ALDH1B1: variants seen among roughly 807,000 people sequenced by gnomAD.
ALDH1B1 encodes aldehyde dehydrogenase 1 family member B1.
In ALDH1B1, 19 loss-of-function variants were observed where a neutral mutation model predicts 26.2. That is an observed-to-expected ratio of 0.72 (90% CI 0.51 to 1.06). ALDH1B1 has a LOEUF of 1.06. Among genes scored for constraint, ALDH1B1 ranks in the 50% least tolerant of loss-of-function variants. ALDH1B1 has a pLI of 0.00. For synonymous variants in ALDH1B1, 249 were observed against 286.0 expected (o/e 0.87, Z 1.31); for missense variants, 671 against 683.1 (o/e 0.98, Z 0.20).
intron 1 of ALDH1B1, among the ~76,000 whole-genome samples, chr9:38,393,127 C>T (rs1442670816): frequency 6.6e-6 from 1 of 152,236 alleles, no homozygotes; most frequent in East Asian, 1.9e-4. Flanking sequence ...CCCTTTCCCC[C>T]GCAGAAGGGG....
At position 38,396,107 on chromosome 9, in the gene ALDH1B1, C is replaced by T. The variant is rs1375486459; in HGVS notation, c.359C>T (p.Ala120Val). Residue 120 changes from alanine (A) to valine (V), a missense_variant, in exon 2 of 2, where the codon GCC becomes GTC. Coordinates refer to ENST00000377698, the MANE Select transcript of ALDH1B1 (RefSeq NM_000692.5). ...GTGGAGCGGGATCGAGTCTACTTGGCCTCACTCGAGACCTTGGACAATGGG... is the reference window on the plus strand; with the variant it reads ...GTGGAGCGGGATCGAGTCTACTTGGTCTCACTCGAGACCTTGGACAATGGG... Reference protein sequence around the residue: ...DLVERDRVYLASLETLDNGKP... With the variant: ...DLVERDRVYLVSLETLDNGKP... 3 of 1,614,220 alleles carry T rather than the reference C, an allele frequency of 1.9e-6. No individual in the cohort carries two copies. The African/African-American group carries it at 4.0e-5, about 22-fold the overall frequency.
intron 1 of ALDH1B1, among the ~76,000 whole-genome samples, chr9:38,393,538 C>T (rs998493699): frequency 6.6e-6 from 1 of 152,216 alleles, no homozygotes; most frequent in African/African-American, 2.4e-5. Flanking sequence ...GGTTTGCCAG[C>T]CTTGGCCTAT....
rs56815730 is a variant in ALDH1B1, at chr9:38,392,741, A to G, written c.-76A>G. ...CGGCCAGCCCTGGGCGGCCATGTGGACAGAGCTGGGAGGGCCGGAACCAGA... is the reference window on the plus strand; with the variant it reads ...CGGCCAGCCCTGGGCGGCCATGTGGGCAGAGCTGGGAGGGCCGGAACCAGA... On this transcript the variant is annotated 5_prime_UTR_variant, in exon 1 of 2. Transcript: ENST00000377698. 1.5e-4 allele frequency: 144 copies of G among 985,578 alleles called. No individual in the cohort carries two copies. In the East Asian group the frequency reaches 8.5e-3, roughly 58 times the overall value. The allele number at this position is 985,578 out of a possible 1,614,324, so 61.1% of individuals were successfully genotyped here. A position where few individuals can be genotyped will look rare whatever the true frequency, so the allele number is the denominator to read the frequency against.
chr9:38,396,548 G>T lies in ALDH1B1; in HGVS notation c.800G>T (p.Gly267Val). 1 of 1,613,866 alleles carries T rather than the reference G, an allele frequency of 6.2e-7. No homozygotes were observed. The highest frequency in any genetic ancestry group is 8.5e-7 in the Non-Finnish European group (1 of 1,179,982). The change falls in exon 2 of 2, where the codon GGC (glycine) becomes GTC (valine). Residue 267 changes from glycine (G) to valine (V), a missense_variant. Gly to Val is a moderately radical substitution (Grantham distance 109). Transcript: ENST00000377698. ...GCCTTCACCGGTTCCACCGAGGTGG[G>T]CCACCTGATCCAGAAAGCAGCTGGC... ...KVAFTGSTEV[G>V]HLIQKAAGDS...
rs910722695 is a variant in ALDH1B1, at chr9:38,397,677, C to T, written c.*375C>T. ...TTTAGTGGATCGACTCAACTCAGAA[C>T]ACAAGCTTGGAAAGTGTTAGGGGTT... On this transcript the variant is annotated 3_prime_UTR_variant, in exon 2 of 2. Transcript: ENST00000377698. The T allele has an allele frequency of 5.0e-6, 1 of 199,526 alleles. No individual in the cohort carries two copies. Among genetic ancestry groups the T allele is most frequent in the South Asian group, 1.5e-4 (1 of 6,638 alleles). 12.4% of individuals were successfully genotyped at this position (199,526 alleles called of 1,614,324 possible). A position where few individuals can be genotyped will look rare whatever the true frequency, so the allele number is the denominator to read the frequency against.
At position 38,392,752 on chromosome 9, in the gene ALDH1B1, A is replaced by G; in HGVS notation, c.-65A>G. The G allele has an allele frequency of 1.0e-6, 1 of 985,574 alleles. No homozygotes were observed. The highest frequency in any genetic ancestry group is 1.7e-5 in the African/African-American group (1 of 57,366). 61.1% of individuals were successfully genotyped at this position (985,574 alleles called of 1,614,324 possible). On this transcript the variant is annotated 5_prime_UTR_variant, in exon 1 of 2. Coordinates refer to ENST00000377698, the MANE Select transcript of ALDH1B1 (RefSeq NM_000692.5). ...GGGCGGCCATGTGGACAGAGCTGGGAGGGCCGGAACCAGAACCCAAGCGTG... is the reference window on the plus strand; with the variant it reads ...GGGCGGCCATGTGGACAGAGCTGGGGGGGCCGGAACCAGAACCCAAGCGTG...
chr9:38,393,042 T>C (rs554403731), intron 1 of ALDH1B1, among the ~76,000 whole-genome samples: 12 of 152,060 alleles, frequency 7.9e-5, no homozygotes, highest in African/African-American at 2.4e-4. Flanking sequence ...ACCTCAACAC[T>C]CCTGCCCACT....
At position 38,396,082 on chromosome 9, in the gene ALDH1B1, G is replaced by A; in HGVS notation, c.334G>A (p.Val112Met). ...GRLLNRLADL[V>M]ERDRVYLASL... ...GCTGCTGAACCGCCTGGCAGACCTAGTGGAGCGGGATCGAGTCTACTTGGC... is the reference window on the plus strand; with the variant it reads ...GCTGCTGAACCGCCTGGCAGACCTAATGGAGCGGGATCGAGTCTACTTGGC... Residue 112 changes from valine (V) to methionine (M), a missense_variant, in exon 2 of 2, where the codon GTG becomes ATG. Val to Met is a conservative substitution (Grantham distance 21, BLOSUM62 1). Coordinates refer to ENST00000377698, the MANE Select transcript of ALDH1B1 (RefSeq NM_000692.5). The A allele has an allele frequency of 7.4e-6, 12 of 1,614,182 alleles. No homozygotes were observed. The highest frequency in any genetic ancestry group is 1.0e-5 in the Non-Finnish European group (12 of 1,180,016).
In ALDH1B1 at chr9:38,397,677, C is replaced by G. The variant is rs910722695; in HGVS notation, c.*375C>G. ...TTTAGTGGATCGACTCAACTCAGAA[C>G]ACAAGCTTGGAAAGTGTTAGGGGTT... On this transcript the variant is annotated 3_prime_UTR_variant, in exon 2 of 2. Transcript: ENST00000377698. 6.0e-5 allele frequency: 12 copies of G among 199,526 alleles called. No individual in the cohort carries two copies. The highest frequency in any genetic ancestry group is 1.1e-4 in the Non-Finnish European group (10 of 88,840). 12.4% of individuals were successfully genotyped at this position (199,526 alleles called of 1,614,324 possible). A position where few individuals can be genotyped will look rare whatever the true frequency, so the allele number is the denominator to read the frequency against.
In ALDH1B1 at chr9:38,396,031, C is replaced by T. The variant is rs144035060; in HGVS notation, c.283C>T (p.Arg95Trp). 7.4e-6 allele frequency: 12 copies of T among 1,613,870 alleles called. No individual in the cohort carries two copies. The highest frequency in any genetic ancestry group is 6.7e-5 in the East Asian group (3 of 44,864). Residue 95 changes from arginine to tryptophan, a missense_variant, in exon 2 of 2, where the codon CGG becomes TGG. Arg to Trp is a moderately radical substitution (Grantham distance 101). Coordinates refer to ENST00000377698, the MANE Select transcript of ALDH1B1 (RefSeq NM_000692.5). ...EAFRLGSPWR[R>W]MDASERGRLL... is the part of the protein sequence containing the mutation. Reference sequence around the variant, plus strand: ...CTTCCGCCTGGGGTCCCCATGGCGCCGGATGGATGCCTCTGAGCGGGGCCG... The same window carrying T: ...CTTCCGCCTGGGGTCCCCATGGCGCTGGATGGATGCCTCTGAGCGGGGCCG...
rs1360366405 is a variant in ALDH1B1 at position 38,395,867 on chromosome 9, T to C, written c.119T>C (p.Phe40Ser). Residue 40 changes from phenylalanine (F) to serine (S), a missense_variant, in exon 2 of 2, where the codon TTC becomes TCC. By Grantham distance (155) the Phe-to-Ser change is radical. Transcript: ENST00000377698. The part of the protein sequence containing the change: ...LNPDIPYNQL[F>S]INNEWQDAVS... ...CCAGACATCCCCTACAACCAGCTGTTCATCAACAATGAATGGCAAGATGCA... is the reference window on the plus strand; with the variant it reads ...CCAGACATCCCCTACAACCAGCTGTCCATCAACAATGAATGGCAAGATGCA... 1.9e-6 allele frequency: 3 copies of C among 1,613,702 alleles called. No homozygotes were observed. The highest frequency in any genetic ancestry group is 2.5e-6 in the Non-Finnish European group (3 of 1,180,042).
rs748522437 is a variant in ALDH1B1, at chr9:38,396,187, C to T, written c.439C>T (p.Arg147Trp). Residue 147 changes from arginine to tryptophan, a missense_variant, in exon 2 of 2, where the codon CGG (arginine) becomes TGG (tryptophan). Coordinates refer to ENST00000377698, the MANE Select transcript of ALDH1B1 (RefSeq NM_000692.5). ...CTTGGATGAGGTCATCAAGGTGTAT[C>T]GGTACTTTGCTGGCTGGGCTGACAA... is the stretch of plus-strand genomic sequence containing the variant. The part of the protein sequence containing the change: ...LDLDEVIKVY[R>W]YFAGWADKWH... 24 of 1,614,086 alleles carry T rather than the reference C, an allele frequency of 1.5e-5. 1 individual carries two copies. The highest frequency in any genetic ancestry group is 3.3e-4 in the Middle Eastern group (2 of 6,084).
chr9:38,397,092 G>A lies in ALDH1B1; in HGVS notation c.1344G>A (p.Val448=). ...CCAGGTATGGCCTGGCTGCGGCTGT[G>A]TTCACCCGGGATCTGGACAAGGCCA... ...NNTRYGLAAA[V]FTRDLDKAMY... is the part of the protein sequence containing the mutation. Residue 448 remains valine, a synonymous_variant, in exon 2 of 2, where the codon GTG becomes GTA. Coordinates refer to ENST00000377698, the MANE Select transcript of ALDH1B1 (RefSeq NM_000692.5). 6.2e-7 allele frequency: 1 copy of A among 1,614,186 alleles called. No homozygotes were observed.
chr9:38,393,018 A>G (rs1286104196), intron 1 of ALDH1B1, among the ~76,000 whole-genome samples: 1 of 152,042 alleles, frequency 6.6e-6, no homozygotes, highest in African/African-American at 2.4e-5. Flanking sequence ...CCCAGACCTT[A>G]CCACGTTAGC....
rs1299004472 is a variant in ALDH1B1 at position 38,398,661 on chromosome 9, A to G, written c.*1359A>G. 6.0e-6 allele frequency: 1 copy of G among 166,312 alleles called. No individual in the cohort carries two copies. Among genetic ancestry groups the G allele is most frequent in the African/African-American group, 2.4e-5 (1 of 41,228 alleles). 10.3% of individuals were successfully genotyped at this position (166,312 alleles called of 1,614,324 possible). On this transcript the variant is annotated 3_prime_UTR_variant, in exon 2 of 2. Transcript: ENST00000377698. ...ATAAACGTATACATTCTGTGAGCAA[A>G]TCCATTTTGTCTCCATATTGTCCTG...
rs1479718004 is a variant in ALDH1B1, at chr9:38,395,852, C to T, written c.104C>T (p.Pro35Leu). The change falls in exon 2 of 2, where the codon CCC becomes CTC. Residue 35 changes from proline (P) to leucine (L), a missense_variant. By Grantham distance (98) the Pro-to-Leu change is moderately conservative (BLOSUM62 -3). Coordinates refer to ENST00000377698, the MANE Select transcript of ALDH1B1 (RefSeq NM_000692.5). ...LPSPILNPDI[P>L]YNQLFINNEW... ...AGCCCCATTCTGAACCCAGACATCC[C>T]CTACAACCAGCTGTTCATCAACAAT... The T allele has an allele frequency of 1.1e-5, 18 of 1,613,524 alleles. No homozygotes were observed. Among genetic ancestry groups the T allele is most frequent in the Non-Finnish European group, 1.4e-5 (17 of 1,180,030 alleles).
chr9:38,393,695 C>T (rs1305496141), intron 1 of ALDH1B1, among the ~76,000 whole-genome samples: 1 of 152,216 alleles, frequency 6.6e-6, no homozygotes, highest in Non-Finnish European at 1.5e-5. Context: ...TGGCAAAGTC[C>T]TGAGCTAAAT....
In ALDH1B1 at chr9:38,396,085, G is replaced by A; in HGVS notation, c.337G>A (p.Glu113Lys). 1 of 1,614,180 alleles carries A rather than the reference G, an allele frequency of 6.2e-7. No homozygotes were observed. The highest frequency in any genetic ancestry group is 8.5e-7 in the Non-Finnish European group (1 of 1,180,022). ...RLLNRLADLVERDRVYLASLE... is the reference protein window; with the variant it reads ...RLLNRLADLVKRDRVYLASLE... ...GCTGAACCGCCTGGCAGACCTAGTG[G>A]AGCGGGATCGAGTCTACTTGGCCTC... is the stretch of plus-strand genomic sequence containing the variant. The change falls in exon 2 of 2, where the codon GAG (glutamate) becomes AAG (lysine). Residue 113 changes from glutamate to lysine, a missense_variant. Coordinates refer to ENST00000377698, the MANE Select transcript of ALDH1B1 (RefSeq NM_000692.5).
In ALDH1B1 at chr9:38,396,175, A is replaced by T. The variant is rs988866277; in HGVS notation, c.427A>T (p.Ile143Phe). The T allele has an allele frequency of 9.3e-6, 15 of 1,614,070 alleles. No homozygotes were observed. Among genetic ancestry groups the T allele is most frequent in the Admixed American group, 1.7e-5 (1 of 60,012 alleles). ...ESYALDLDEV[I>F]KVYRYFAGWA... ...TTACGCCTTGGACTTGGATGAGGTC[A>T]TCAAGGTGTATCGGTACTTTGCTGG... The change falls in exon 2 of 2, where the codon ATC becomes TTC. Residue 143 changes from isoleucine (I) to phenylalanine (F), a missense_variant. Ile to Phe is a conservative substitution (Grantham distance 21). Coordinates refer to ENST00000377698, the MANE Select transcript of ALDH1B1 (RefSeq NM_000692.5).
Sources: allele counts gnomAD v4.1 joint callset (sites outside exome capture counted in the v4.1 genomes callset), GRCh38; gene constraint gnomAD v4.1.1; transcripts MANE v1.5; gene names NCBI Gene and HGNC (gene_info 2026-07-23, HGNC 2026-07-21).